FAM185A: variants seen among roughly 807,000 people sequenced by gnomAD.
FAM185A encodes family with sequence similarity 185 member A.
FAM185A carries 21 observed loss-of-function variants against 45.7 expected under a neutral mutation model. That is an observed-to-expected ratio of 0.46 (90% CI 0.33 to 0.66). The LOEUF (loss-of-function observed/expected upper bound fraction) is 0.66. Ranked by LOEUF, FAM185A falls within the 30% of genes least tolerant of loss-of-function variation. The probability of loss-of-function intolerance (pLI) is 0.03; values close to 1 mark genes in which losing one functional copy is unlikely to be tolerated. For missense variants in FAM185A, 305 were observed against 485.4 expected (o/e 0.63, Z 3.49); for synonymous variants, 117 against 194.0 (o/e 0.60, Z 3.30).
chr7:102,786,449 A>T (rs561452403), intron 6 of FAM185A, among the ~76,000 whole-genome samples: 54 of 152,350 alleles, frequency 3.5e-4, no homozygotes, highest in African/African-American at 1.3e-3. Context: ...ACAATGACAG[A>T]CTGGATTAAG....
chr7:102,813,317 TG>T, downstream of FAM185A: 1 of 1,566,148 alleles, frequency 6.4e-7, no homozygotes, highest in African/African-American at 1.4e-5. Flanking sequence ...CTTGATTTTT[TG>T]TTCTTCCTGC....
the FAM185A span, among the ~76,000 whole-genome samples, chr7:102,816,735 A>G: frequency 4.6e-5 from 7 of 152,340 alleles, no homozygotes; most frequent in East Asian, 1.3e-3. Flanking sequence ...CATAATGCCC[A>G]GTAGGTACTT....
At chr7:102,786,672 C>G (rs976330493) in intron 6 of FAM185A, among the ~76,000 whole-genome samples, 2 of 152,084 alleles carry the variant, frequency 1.3e-5, no homozygotes, top group Admixed American at 1.3e-4. Flanking sequence ...ACACCGGGGC[C>G]TGTTGTGGGG....
chr7:102,778,083 T>C (rs1795180619), intron 6 of FAM185A, among the ~76,000 whole-genome samples: 1 of 152,228 alleles, frequency 6.6e-6, no homozygotes, highest in Non-Finnish European at 1.5e-5. Flanking sequence ...TTTTAAATAG[T>C]CTAGCAGCTC....
intron 1 of FAM185A, among the ~76,000 whole-genome samples, chr7:102,750,019 T>C (rs972750496): frequency 1.3e-5 from 2 of 152,228 alleles, no homozygotes; most frequent in African/African-American, 4.8e-5. Context: ...GCAGTCCATC[T>C]ACATTTCATC....
At position 102,749,285 on chromosome 7, in the gene FAM185A, T is replaced by C. The variant is rs1793182174; in HGVS notation, c.78T>C (p.Ala26=). Residue 26 remains alanine (A), a synonymous_variant, in exon 1 of 8, where the codon GCT becomes GCC. Coordinates refer to ENST00000413034, the MANE Select transcript of FAM185A (RefSeq NM_001145268.2). ...GTCAGGTCCGACTGTGGGCTGGCGC[T>C]GGGCGCTGGGCTTGCTGGGCTTGCC... The part of the protein sequence containing the change: ...CLRQVRLWAG[A]GRWACWACQA... The C allele has an allele frequency of 6.5e-7, 1 of 1,550,090 alleles. No individual in the cohort carries two copies.
At chr7:102,799,215 T>C (rs951920570) in intron 7 of FAM185A, among the ~76,000 whole-genome samples, 7 of 152,094 alleles carry the variant, frequency 4.6e-5, no homozygotes, top group African/African-American at 1.7e-4. Flanking sequence ...AACACAGGGA[T>C]TTACCAATTG....
chr7:102,779,149 T>C (rs1476492306), intron 6 of FAM185A, among the ~76,000 whole-genome samples: 3 of 152,310 alleles, frequency 2.0e-5, no homozygotes, highest in Non-Finnish European at 4.4e-5. Flanking sequence ...ATGCTGTTAG[T>C]TCACATTTGA....
intron 2 of FAM185A, among the ~76,000 whole-genome samples, 190 bp downstream of exon 2, chr7:102,751,991 G>A (rs1296142346): frequency 1.3e-5 from 2 of 151,462 alleles, no homozygotes; most frequent in African/African-American, 4.9e-5. Flanking sequence ...TAGCAGTTTT[G>A]AGGTTTTGCC....
At chr7:102,838,458 A>AT in the FAM185A span, among the ~76,000 whole-genome samples, 9 of 150,396 alleles carry the variant, frequency 6.0e-5, no homozygotes, top group East Asian at 5.9e-4. Flanking sequence ...TAAAAAAAAA[A>AT]TTTTTTTTTT....
chr7:102,771,850 A>T (rs1457296016), intron 4 of FAM185A, among the ~76,000 whole-genome samples: 1 of 152,206 alleles, frequency 6.6e-6, no homozygotes, highest in Non-Finnish European at 1.5e-5. Flanking sequence ...ATTTTCACTA[A>T]GACGGAAATC....
the FAM185A span, among the ~76,000 whole-genome samples, chr7:102,848,146 T>C: frequency 3.9e-5 from 6 of 152,158 alleles, no homozygotes; most frequent in Admixed American, 3.9e-4. Flanking sequence ...CTAATGACAT[T>C]AGCACCTGGC....
chr7:102,793,201 T>G (rs1584347930), intron 7 of FAM185A, among the ~76,000 whole-genome samples: 1 of 50,128 alleles, frequency 2.0e-5, no homozygotes, highest in Non-Finnish European at 3.5e-5. Context: ...TTTTATGGTG[T>G]TTTTTTTTTG....
intron 6 of FAM185A, among the ~76,000 whole-genome samples, chr7:102,783,105 G>C (rs1039162631): frequency 2.0e-5 from 3 of 151,712 alleles, no homozygotes; most frequent in East Asian, 1.9e-4. Flanking sequence ...GATAACTATC[G>C]TAAATATATA....
intron 2 of FAM185A, among the ~76,000 whole-genome samples, chr7:102,752,577 ATTTTT>A (rs59425139): frequency 7.1e-6 from 1 of 140,258 alleles, no homozygotes; most frequent in Non-Finnish European, 1.6e-5. Context: ...GCTGTAATTA[ATTTTT>A]TTTTTTTTTT....
At chr7:102,768,127 T>C (rs2129435648) in intron 4 of FAM185A, among the ~76,000 whole-genome samples, 1 of 121,362 alleles carries the variant, frequency 8.2e-6, no homozygotes, top group East Asian at 2.1e-4. Context: ...AGTAGTTTAT[T>C]AGTAATGCAC....
chr7:102,835,070 G>C, the FAM185A span, among the ~76,000 whole-genome samples: 1 of 152,152 alleles, frequency 6.6e-6, no homozygotes, highest in African/African-American at 2.4e-5. Context: ...TGTACTTTGA[G>C]AAAAACTGAA....
chr7:102,755,614 A>G (rs1036185898), intron 2 of FAM185A: 7 of 620,358 alleles, frequency 1.1e-5, no homozygotes, highest in Admixed American at 2.2e-5. Context: ...GTGACTGCAC[A>G]CGACATGGAT....
intron 4 of FAM185A, among the ~76,000 whole-genome samples, chr7:102,762,230 G>T (rs1294800210): frequency 6.6e-6 from 1 of 152,070 alleles, no homozygotes. Flanking sequence ...ATATCCTCTT[G>T]TGGTTTCTAA....
Sources: allele counts gnomAD v4.1 joint callset (sites outside exome capture counted in the v4.1 genomes callset), GRCh38; gene constraint gnomAD v4.1.1; transcripts MANE v1.5; gene names NCBI Gene and HGNC (gene_info 2026-07-23, HGNC 2026-07-21).